ST3GAL5: variants seen among roughly 807,000 people sequenced by gnomAD.
ST3GAL5 encodes the protein lactosylceramide alpha-2,3-sialyltransferase.
Under a neutral mutation model 46.1 loss-of-function variants are expected in ST3GAL5, and 25 were observed. The ratio of observed to expected loss-of-function variants is 0.54; its 90% CI spans 0.40 to 0.76. The LOEUF (loss-of-function observed/expected upper bound fraction) is 0.76, where lower values mean the gene tolerates loss of function less well. Ranked by LOEUF, ST3GAL5 falls within the 30% of genes least tolerant of loss-of-function variation. The pLI is 0.00. For synonymous variants in ST3GAL5, 182 were observed against 192.7 expected, an observed-to-expected ratio of 0.94 and a Z score of 0.46; for missense variants, 431 against 521.2, an observed-to-expected ratio of 0.83 and a Z score of 1.69.
chr2:85,859,041 C>A (rs542022639), intron 3 of ST3GAL5, among the ~76,000 whole-genome samples: 45 of 152,342 alleles, frequency 3.0e-4, no homozygotes, highest in African/African-American at 1.0e-3. Flanking sequence ...GCAGCCGGGG[C>A]ACAGGTTGAC....
At chr2:85,887,625 G>A (rs1181278660) in intron 1 of ST3GAL5, 43 of 152,216 alleles carry the variant, frequency 2.8e-4, no homozygotes, top group Admixed American at 2.8e-3. Context: ...AGCAATGTTA[G>A]ACACTCCTCG....
At chr2:85,876,612 G>T (rs1483730672) in intron 1 of ST3GAL5, among the ~76,000 whole-genome samples, 2 of 151,960 alleles carry the variant, frequency 1.3e-5, no homozygotes, top group Non-Finnish European at 2.9e-5. Context: ...ATAGGTGCGT[G>T]CCACCGCACC....
Position 85,846,521 on chromosome 2 carries a change from T to A in ST3GAL5, c.705A>T (p.Gly235=). 1 of 1,614,202 alleles carries A rather than the reference T, an allele frequency of 6.2e-7. No homozygotes were observed. The highest frequency in any genetic ancestry group is 8.5e-7 in the Non-Finnish European group (1 of 1,180,022). The change falls in exon 5 of 7, where the codon GGA becomes GGT. Residue 235 remains glycine, a synonymous_variant. Coordinates refer to ENST00000638572, the MANE Select transcript of ST3GAL5 (RefSeq NM_003896.4). ...APVEGYSEHV[G]NKTTIRMTYP... ...AAGTCATCCTTATAGTAGTTTTATT[T>A]CCAACATGTTCTGAATATCCCTCAA...
intron 3 of ST3GAL5, among the ~76,000 whole-genome samples, chr2:85,856,740 T>C (rs1202683613): frequency 6.6e-6 from 1 of 151,762 alleles, no homozygotes; most frequent in Non-Finnish European, 1.5e-5. Flanking sequence ...AGGCTAATGT[T>C]TTTATTTTTA....
chr2:85,872,357 C>A (rs945807852), intron 1 of ST3GAL5, among the ~76,000 whole-genome samples: 1 of 151,976 alleles, frequency 6.6e-6, no homozygotes, highest in East Asian at 1.9e-4. Flanking sequence ...GCGAGGCAGG[C>A]GGATCACCTG....
At chr2:85,876,903 A>G (rs1343746526) in intron 1 of ST3GAL5, among the ~76,000 whole-genome samples, 2 of 152,240 alleles carry the variant, frequency 1.3e-5, no homozygotes, top group African/African-American at 4.8e-5. Flanking sequence ...GACTGGCCAC[A>G]GCACCCAAGA....
intron 1 of ST3GAL5, among the ~76,000 whole-genome samples, chr2:85,877,734 G>A (rs1686739573): frequency 6.6e-6 from 1 of 152,158 alleles, no homozygotes; most frequent in Non-Finnish European, 1.5e-5. Context: ...TGCAGGAGAA[G>A]GATATGACTC....
At chr2:85,855,709 A>T (rs922029968) in intron 3 of ST3GAL5, 1 of 152,260 alleles carries the variant, frequency 6.6e-6, no homozygotes, top group African/African-American at 2.4e-5. Context: ...GATATAGGGT[A>T]CTGGTATCCA....
In ST3GAL5 at chr2:85,839,749, T is replaced by C; in HGVS notation, c.*395A>G. The C allele has an allele frequency of 3.1e-6, 1 of 326,778 alleles. No homozygotes were observed. Among genetic ancestry groups the C allele is most frequent in the South Asian group, 2.6e-5 (1 of 38,980 alleles). The allele number at this position is 326,778 out of a possible 1,614,324, so 20.2% of individuals were successfully genotyped here. A position where few individuals can be genotyped will look rare whatever the true frequency, so the allele number is the denominator to read the frequency against. On this transcript the variant is annotated 3_prime_UTR_variant, in exon 7 of 7. Transcript: ENST00000638572. ...CAAGCAGCGCAGCAGGGAACCAGAATGAGGTTCAGGGCCACCATCAAAAGA... is the reference window on the plus strand; with the variant it reads ...CAAGCAGCGCAGCAGGGAACCAGAACGAGGTTCAGGGCCACCATCAAAAGA...
chr2:85,848,380 A>C (rs1326941330), intron 3 of ST3GAL5, 176 bp from the exon 4 acceptor site: 45 of 1,548,072 alleles, frequency 2.9e-5, no homozygotes, highest in Non-Finnish European at 3.8e-5. Context: ...TGAAGAAACA[A>C]CCTGGGAGAA....
In ST3GAL5 at chr2:85,839,496, C is replaced by A; in HGVS notation, c.*648G>T. Reference sequence around the variant, plus strand: ...CTGTGGTTTCTGTAGCCCAGGGTGGCTTCACAGTTGTCAGAGGTCACAGAT... The same window carrying A: ...CTGTGGTTTCTGTAGCCCAGGGTGGATTCACAGTTGTCAGAGGTCACAGAT... On this transcript the variant is annotated 3_prime_UTR_variant, in exon 7 of 7. Coordinates refer to ENST00000638572, the MANE Select transcript of ST3GAL5 (RefSeq NM_003896.4). 6.5e-6 allele frequency: 1 copy of A among 154,376 alleles called. No homozygotes were observed. The highest frequency in any genetic ancestry group is 1.4e-5 in the Non-Finnish European group (1 of 69,380). The allele number at this position is 154,376 out of a possible 1,614,324, so 9.6% of individuals were successfully genotyped here.
intron 3 of ST3GAL5, chr2:85,849,621 CA>C: frequency 6.6e-6 from 1 of 152,206 alleles, no homozygotes; most frequent in Non-Finnish European, 1.5e-5. Flanking sequence ...TCTCAAAAAA[CA>C]AAAAAACAAA....
At chr2:85,874,026 G>C (rs1325320960) in intron 1 of ST3GAL5, among the ~76,000 whole-genome samples, 1 of 152,178 alleles carries the variant, frequency 6.6e-6, no homozygotes, top group Non-Finnish European at 1.5e-5. Context: ...CATATTTTCA[G>C]ATTCTCCTAC....
chr2:85,874,879 G>A (rs537458117), intron 1 of ST3GAL5, among the ~76,000 whole-genome samples: 2 of 151,814 alleles, frequency 1.3e-5, no homozygotes, highest in South Asian at 4.2e-4. Flanking sequence ...CCTTCCAGGT[G>A]TCCAAGTATC....
intron 1 of ST3GAL5, among the ~76,000 whole-genome samples, chr2:85,864,966 T>C (rs1425382488): frequency 6.6e-6 from 1 of 152,180 alleles, no homozygotes; most frequent in Non-Finnish European, 1.5e-5. Context: ...GCCTCCTGAC[T>C]GAAATATGGA....
chr2:85,855,634 G>T (rs1684012059), intron 3 of ST3GAL5: 3 of 152,104 alleles, frequency 2.0e-5, no homozygotes, highest in Non-Finnish European at 4.4e-5. Flanking sequence ...TGCTAAAAAT[G>T]ATACCCTAAA....
rs113859961 is a variant in ST3GAL5, at chr2:85,840,119, C to A, written c.*25G>T. ...AAAACAGCTCTCAGAGTTAGAGTTG[C>A]ATTTTCAACTGAGGTTTTCTGTGTT... is the stretch of plus-strand genomic sequence containing the variant. On this transcript the variant is annotated 3_prime_UTR_variant, in exon 7 of 7. Transcript: ENST00000638572. 1,149 of 1,614,176 alleles carry A rather than the reference C, an allele frequency of 7.1e-4. 3 individuals are homozygous for A. The African/African-American group carries it at 0.012, about 17-fold the overall frequency.
chr2:85,885,809 C>T (rs145469772), intron 1 of ST3GAL5, among the ~76,000 whole-genome samples: 452 of 145,412 alleles, frequency 3.1e-3, no homozygotes, highest in African/African-American at 4.5e-3. Context: ...TGGGCGACGG[C>T]GAGACTCTGT....
At chr2:85,876,338 A>G (rs1227878532) in intron 1 of ST3GAL5, among the ~76,000 whole-genome samples, 1 of 152,208 alleles carries the variant, frequency 6.6e-6, no homozygotes, top group African/African-American at 2.4e-5. Flanking sequence ...GACAGCTACA[A>G]GGACTGCAGT....
Sources: gnomAD v4.1 joint callset for allele counts (sites outside exome capture counted in the v4.1 genomes callset) on GRCh38, gnomAD v4.1.1 for gene constraint, MANE v1.5 for transcripts, NCBI Gene and HGNC (gene_info 2026-07-23, HGNC 2026-07-21) for gene names.